Variants in SH3BP4 observed in about 807,000 individuals in gnomAD.
SH3BP4 encodes the protein SH3 domain-binding protein 4.
A neutral mutation model predicts 65.5 loss-of-function variants in SH3BP4; 33 were observed. That is an observed-to-expected ratio of 0.50 (90% CI 0.38 to 0.67). The LOEUF (loss-of-function observed/expected upper bound fraction) is 0.67. Ranked by LOEUF, SH3BP4 falls within the 30% of genes least tolerant of loss-of-function variation. The pLI is 0.00. For synonymous variants in SH3BP4, 552 were observed against 545.5 expected (o/e 1.01, Z -0.17); for missense variants, 1,134 against 1,261.4 (o/e 0.90, Z 1.53).
intron 2 of SH3BP4, among the ~76,000 whole-genome samples, chr2:235,022,470 A>G (rs1171112713): frequency 6.6e-6 from 1 of 152,108 alleles, no homozygotes; most frequent in Non-Finnish European, 1.5e-5. Flanking sequence ...GCAGTGAGCC[A>G]AGATCGTGCC....
chr2:234,960,906 C>T (rs772411284), intron 1 of SH3BP4, among the ~76,000 whole-genome samples: 1 of 152,086 alleles, frequency 6.6e-6, no homozygotes, highest in Non-Finnish European at 1.5e-5. Context: ...TTTTGTTTCC[C>T]AGCCATTGTC....
chr2:234,985,760 A>G (rs1693532638), intron 1 of SH3BP4, among the ~76,000 whole-genome samples: 1 of 151,946 alleles, frequency 6.6e-6, no homozygotes, highest in Non-Finnish European at 1.5e-5. Flanking sequence ...CCTGTGACAC[A>G]CGCCTACGAG....
chr2:234,980,535 G>A (rs148930616), intron 1 of SH3BP4, among the ~76,000 whole-genome samples: 57 of 152,278 alleles, frequency 3.7e-4, no homozygotes, highest in African/African-American at 1.3e-3. Context: ...AGGACAATAG[G>A]TTGTTTACAG....
chr2:235,044,389 G>A (rs1263793349), intron 4 of SH3BP4, among the ~76,000 whole-genome samples: 1 of 152,246 alleles, frequency 6.6e-6, no homozygotes, highest in East Asian at 1.9e-4. Context: ...CTGGGTCCTG[G>A]CGGTTACCTT....
chr2:235,019,303 A>C (rs1006571180), intron 2 of SH3BP4, among the ~76,000 whole-genome samples: 4 of 151,876 alleles, frequency 2.6e-5, no homozygotes, highest in Admixed American at 1.3e-4. Context: ...TAGAGAGAGG[A>C]GATCAGACTG....
chr2:234,972,706 C>T (rs563093547), intron 1 of SH3BP4, among the ~76,000 whole-genome samples: 1 of 152,038 alleles, frequency 6.6e-6, no homozygotes, highest in Non-Finnish European at 1.5e-5. Flanking sequence ...AGCCTGGGTA[C>T]AGAGCAAGAC....
intron 2 of SH3BP4, among the ~76,000 whole-genome samples, chr2:235,006,011 C>T (rs902271211): frequency 2.3e-4 from 35 of 152,334 alleles, no homozygotes; most frequent in Admixed American, 9.1e-4. Flanking sequence ...AGTAGGAAGC[C>T]GGCCCAGCCC....
Position 234,991,265 on chromosome 2 carries a change from A to G in SH3BP4, c.-206-4038A>G, listed in dbSNP as rs1474941628. ...GGGTGAGGACCATGAGCCTCATATC[A>G]TTTATCCACTCACCCTCCCAGACCC... On this transcript the variant is annotated intron_variant, in intron 1 of 5. Coordinates refer to ENST00000392011, the MANE Select transcript of SH3BP4 (RefSeq NM_014521.3). This position sits in a 1 kb window ranked among gnomAD's most constrained non-coding sequence, Gnocchi z 4.2. Among the ~76,000 whole-genome samples, 6 of 152,254 alleles carry G rather than the reference A, an allele frequency of 3.9e-5. No homozygotes were observed. In the East Asian group the frequency reaches 7.7e-4, roughly 20 times the overall value.
chr2:235,014,789 T>G (rs2106301433), intron 2 of SH3BP4, among the ~76,000 whole-genome samples: 1 of 152,312 alleles, frequency 6.6e-6, no homozygotes, highest in Non-Finnish European at 1.5e-5. Context: ...GGCCCCCCAG[T>G]CACTTCATCT....
intron 1 of SH3BP4, among the ~76,000 whole-genome samples, chr2:234,989,521 T>C (rs1006352307): frequency 2.6e-5 from 4 of 152,182 alleles, no homozygotes; most frequent in African/African-American, 9.7e-5. Context: ...CTTTGCCCAC[T>C]GCGTAAGTAG....
At chr2:234,966,131 C>G (rs1228439737) in intron 1 of SH3BP4, among the ~76,000 whole-genome samples, 2 of 152,180 alleles carry the variant, frequency 1.3e-5, no homozygotes, top group Non-Finnish European at 2.9e-5. Flanking sequence ...GTAATCCCAA[C>G]ACTTTGGGAG....
chr2:234,960,594 C>G (rs1315453225), intron 1 of SH3BP4, among the ~76,000 whole-genome samples: 1 of 152,136 alleles, frequency 6.6e-6, no homozygotes, highest in African/African-American at 2.4e-5. Flanking sequence ...TTGGAGCCAC[C>G]TGTGATTTTC....
At position 235,030,052 on chromosome 2, in the gene SH3BP4, C is replaced by A. The variant is rs1335521494; in HGVS notation, c.-132-4819C>A. Among the ~76,000 whole-genome samples the A allele has an allele frequency of 6.6e-6, 1 of 152,136 alleles. No individual in the cohort carries two copies. The highest frequency in any genetic ancestry group is 2.4e-5 in the African/African-American group (1 of 41,400). On this transcript the variant is annotated intron_variant, in intron 2 of 5. Coordinates refer to ENST00000392011, the MANE Select transcript of SH3BP4 (RefSeq NM_014521.3). This position sits in a 1 kb window ranked among gnomAD's most constrained non-coding sequence, Gnocchi z 4.1. The stretch of plus-strand genomic sequence containing the variant: ...AGGGTTGAGATCGGCAATATGTAAC[C>A]CTGGAGGTACAGGTGGAGACTGAGT...
intron 4 of SH3BP4, among the ~76,000 whole-genome samples, chr2:235,050,845 G>C (rs1293731418): frequency 6.6e-6 from 1 of 152,100 alleles, no homozygotes; most frequent in African/African-American, 2.4e-5. Flanking sequence ...TGGCGGGGGT[G>C]GGGGGTTGTT....
chr2:234,970,949 T>C (rs1471254752), intron 1 of SH3BP4, among the ~76,000 whole-genome samples: 1 of 152,176 alleles, frequency 6.6e-6, no homozygotes, highest in Non-Finnish European at 1.5e-5. Flanking sequence ...GGACACAAAT[T>C]TCTTCAGAGA....
rs1695713606 is a variant in SH3BP4, at chr2:235,042,775, A to G, written c.2006A>G (p.Asn669Ser). ...TTGCTCAAGACTGTGGTGCGGCAGAACAAGAACCACTACCTGCTGGAGTAC... is the reference window on the plus strand; with the variant it reads ...TTGCTCAAGACTGTGGTGCGGCAGAGCAAGAACCACTACCTGCTGGAGTAC... The part of the protein sequence containing the change: ...GKLLKTVVRQ[N>S]KNHYLLEYKK... Residue 669 changes from asparagine (N) to serine (S), a missense_variant, in exon 4 of 6, where the codon AAC becomes AGC. Transcript: ENST00000392011. The surrounding 1 kb of genome is among the most constrained non-coding windows in gnomAD (Gnocchi z 7.3). The G allele has an allele frequency of 6.2e-7, 1 of 1,614,168 alleles. No individual in the cohort carries two copies. Among genetic ancestry groups the G allele is most frequent in the Non-Finnish European group, 8.5e-7 (1 of 1,180,032 alleles).
intron 1 of SH3BP4, among the ~76,000 whole-genome samples, chr2:234,987,858 T>G (rs1693617197): frequency 1.3e-5 from 2 of 152,122 alleles, no homozygotes; most frequent in South Asian, 4.2e-4. Context: ...GGTCTTCCAG[T>G]CTTTCTGTTG....
intron 2 of SH3BP4, among the ~76,000 whole-genome samples, chr2:235,018,901 G>A (rs987730709): frequency 2.6e-5 from 4 of 152,204 alleles, no homozygotes; most frequent in African/African-American, 7.2e-5. Flanking sequence ...AGCAAAACCC[G>A]CTGAGCAGGG....
At chr2:235,000,181 T>TCACTTA (rs1694054383) in intron 2 of SH3BP4, among the ~76,000 whole-genome samples, 1 of 152,292 alleles carries the variant, frequency 6.6e-6, no homozygotes, top group South Asian at 2.1e-4. Context: ...TCGGCTGGGC[T>TCACTTA]TCTCTGCAGG....
Sources: allele counts gnomAD v4.1 joint callset (sites outside exome capture counted in the v4.1 genomes callset), GRCh38; gene constraint gnomAD v4.1.1; non-coding constraint Gnocchi (gnomAD v3.1); transcripts MANE v1.5; gene names NCBI Gene and HGNC (gene_info 2026-07-23, HGNC 2026-07-21).